RBFOX2: variants seen among roughly 807,000 people sequenced by gnomAD.
RBFOX2 encodes the protein RNA binding protein fox-1 homolog 2.
A neutral mutation model predicts 49.1 loss-of-function variants in RBFOX2; 10 were observed. That is an observed-to-expected ratio of 0.20 (90% CI 0.13 to 0.35). The LOEUF (loss-of-function observed/expected upper bound fraction) is 0.35, where lower values mean the gene tolerates loss of function less well. RBFOX2 is among the 10% of genes least tolerant of loss of function. The pLI is 1.00. For missense variants in RBFOX2, 323 were observed against 486.9 expected (o/e 0.66, Z 3.17); for synonymous variants, 183 against 187.4 (o/e 0.98, Z 0.19).
chr22:35,861,361 A>G (rs563695857), intron 1 of RBFOX2, among the ~76,000 whole-genome samples: 1 of 152,296 alleles, frequency 6.6e-6, no homozygotes, highest in East Asian at 1.9e-4. Context: ...ATAAAAAGAC[A>G]AGCCACAACT....
intron 1 of RBFOX2, among the ~76,000 whole-genome samples, chr22:36,025,861 A>G (rs2059412827): frequency 6.6e-6 from 1 of 152,146 alleles, no homozygotes; most frequent in Non-Finnish European, 1.5e-5. Flanking sequence ...AGGAAAACAG[A>G]GGCCCCAAAA....
At chr22:35,894,928 G>A (rs1185859214) in intron 1 of RBFOX2, among the ~76,000 whole-genome samples, 3 of 150,378 alleles carry the variant, frequency 2.0e-5, no homozygotes, top group African/African-American at 4.9e-5. Flanking sequence ...TGGGGGGCAA[G>A]AGTTTGAGGT....
At chr22:35,908,752 T>C (rs533388604) in intron 1 of RBFOX2, among the ~76,000 whole-genome samples, 4 of 152,198 alleles carry the variant, frequency 2.6e-5, no homozygotes, top group Admixed American at 2.6e-4. Context: ...TAAAAAATAC[T>C]AGATGAAACC....
At chr22:35,903,664 T>C (rs1603444352) in intron 1 of RBFOX2, among the ~76,000 whole-genome samples, 1 of 152,322 alleles carries the variant, frequency 6.6e-6, no homozygotes, top group East Asian at 1.9e-4. Context: ...TGAAGTCCCC[T>C]GGTACTACCT....
At chr22:35,834,243 T>C (rs1957266570) in intron 1 of RBFOX2, among the ~76,000 whole-genome samples, 2 of 152,226 alleles carry the variant, frequency 1.3e-5, no homozygotes, top group African/African-American at 2.4e-5. Flanking sequence ...TATGCCTAGT[T>C]TCCTCTTTTG....
chr22:35,878,918 G>C (rs1047310132), intron 1 of RBFOX2, among the ~76,000 whole-genome samples: 3 of 151,868 alleles, frequency 2.0e-5, no homozygotes, highest in Admixed American at 6.6e-5. Flanking sequence ...TTTTAGTAGA[G>C]ATGGGGTTTC....
intron 1 of RBFOX2, among the ~76,000 whole-genome samples, chr22:35,979,353 G>C (rs952828344): frequency 2.0e-5 from 3 of 152,232 alleles, no homozygotes; most frequent in African/African-American, 7.2e-5. Flanking sequence ...CTGGCAAAAT[G>C]TTAACGAAGT....
intron 5 of RBFOX2, among the ~76,000 whole-genome samples, chr22:35,767,530 T>G (rs189320598): frequency 7.2e-5 from 11 of 151,958 alleles, no homozygotes; most frequent in African/African-American, 2.7e-4. Flanking sequence ...CTTTAAAAAA[T>G]TGGGAAAGGG....
chr22:35,756,657 T>C (rs1937051613), intron 9 of RBFOX2, among the ~76,000 whole-genome samples: 1 of 152,168 alleles, frequency 6.6e-6, no homozygotes, highest in Admixed American at 6.5e-5. Context: ...AAGTATTTTG[T>C]TTTCAGTATT....
At chr22:35,893,206 A>C (rs1175386953) in intron 1 of RBFOX2, among the ~76,000 whole-genome samples, 1 of 152,250 alleles carries the variant, frequency 6.6e-6, no homozygotes, top group Non-Finnish European at 1.5e-5. Context: ...GGGACTCCCA[A>C]GCCCCAGCTG....
intron 4 of RBFOX2, among the ~76,000 whole-genome samples, chr22:35,771,150 G>A (rs1942548324): frequency 6.6e-6 from 1 of 152,162 alleles, no homozygotes; most frequent in Admixed American, 6.5e-5. Context: ...ACCTTACACG[G>A]CAAAAGGGAT....
chr22:35,939,196 T>G, upstream of RBFOX2: 1 of 560,886 alleles, frequency 1.8e-6, no homozygotes, highest in Non-Finnish European at 3.4e-6. Context: ...GGGGTCAGAG[T>G]TAATTCCTAA....
At chr22:35,809,977 C>A (rs754295752) in exon 2 of RBFOX2, 2 of 1,614,064 alleles carry the variant, frequency 1.2e-6, no homozygotes, top group South Asian at 2.2e-5. Context: ...ACCATTGCGT[C>A]AGGAGTTGTT....
At chr22:35,865,482 G>A (rs560313988) in intron 1 of RBFOX2, among the ~76,000 whole-genome samples, 3 of 152,112 alleles carry the variant, frequency 2.0e-5, no homozygotes, top group South Asian at 2.1e-4. Context: ...CCAAAAACCC[G>A]TATCTTTAAT....
At chr22:35,768,774 C>A (rs919858438) in intron 4 of RBFOX2, among the ~76,000 whole-genome samples, 1 of 152,084 alleles carries the variant, frequency 6.6e-6, no homozygotes, top group Non-Finnish European at 1.5e-5. Context: ...CTCTGACATC[C>A]CAAATCTATT....
At chr22:35,903,347 C>T (rs1452703400) in intron 1 of RBFOX2, among the ~76,000 whole-genome samples, 1 of 152,150 alleles carries the variant, frequency 6.6e-6, no homozygotes, top group Non-Finnish European at 1.5e-5. Flanking sequence ...TTCTGAGATA[C>T]TACAATGCCA....
chr22:35,856,481 G>A (rs996037929), intron 1 of RBFOX2, among the ~76,000 whole-genome samples: 18 of 152,130 alleles, frequency 1.2e-4, no homozygotes, highest in Non-Finnish European at 2.4e-4. Flanking sequence ...GAATGCTTTA[G>A]CAAAGATTGC....
At chr22:35,894,136 G>A (rs771807197) in intron 1 of RBFOX2, among the ~76,000 whole-genome samples, 1 of 152,056 alleles carries the variant, frequency 6.6e-6, no homozygotes, top group Non-Finnish European at 1.5e-5. Context: ...AAACTACAAT[G>A]CTACTATTGA....
chr22:35,850,333 C>A (rs1029318947), intron 1 of RBFOX2, among the ~76,000 whole-genome samples: 5 of 152,032 alleles, frequency 3.3e-5, no homozygotes, highest in Admixed American at 2.0e-4. Flanking sequence ...CACTGATACA[C>A]GCAGTAAGGG....
Sources: allele counts gnomAD v4.1 joint callset (sites outside exome capture counted in the v4.1 genomes callset), GRCh38; gene constraint gnomAD v4.1.1; transcripts MANE v1.5; gene names NCBI Gene and HGNC (gene_info 2026-07-23, HGNC 2026-07-21).